CIMAP1D: variants seen among roughly 807,000 people sequenced by gnomAD.
The protein encoded by CIMAP1D is protein CIMAP1D.
chr19:474,527 C>T, the CIMAP1D span: 2 of 1,255,362 alleles, frequency 1.6e-6, no homozygotes, highest in African/African-American at 3.1e-5. Context: ...AAACTCCTGC[C>T]TCCTGCTGGG....
At chr19:467,684 G>C in the CIMAP1D span, 1 of 1,612,460 alleles carries the variant, frequency 6.2e-7, no homozygotes, top group East Asian at 2.2e-5. Context: ...GGAGTAGGCA[G>C]GGGTGCAGCT....
the CIMAP1D span, among the ~76,000 whole-genome samples, chr19:481,180 A>ATG: frequency 7.6e-6 from 1 of 131,704 alleles, no homozygotes; most frequent in African/African-American, 3.2e-5. Context: ...ATGGAGAAGG[A>ATG]ATGTGGGAAG....
At chr19:464,305 G>T in the CIMAP1D span, 1 of 1,541,160 alleles carries the variant, frequency 6.5e-7, no homozygotes, top group Non-Finnish European at 8.7e-7. Context: ...GGTGTCCGAT[G>T]GCGCACAGGG....
chr19:478,203 G>T, the CIMAP1D span, among the ~76,000 whole-genome samples: 1 of 152,186 alleles, frequency 6.6e-6, no homozygotes, highest in Non-Finnish European at 1.5e-5. Context: ...AAAACCAGCC[G>T]AAGTGCAGGA....
At chr19:479,878 C>T in the CIMAP1D span, among the ~76,000 whole-genome samples, 2 of 152,256 alleles carry the variant, frequency 1.3e-5, no homozygotes, top group African/African-American at 2.4e-5. Flanking sequence ...CCCCACGTTG[C>T]CCTTCCTTTA....
the CIMAP1D span, chr19:472,640 G>C: frequency 1.8e-6 from 1 of 543,522 alleles, no homozygotes; most frequent in Middle Eastern, 5.0e-4. Context: ...GCAAGAGGCT[G>C]CTGCCCGTCG....
the CIMAP1D span, among the ~76,000 whole-genome samples, chr19:473,395 A>C: frequency 8.9e-6 from 1 of 112,110 alleles, no homozygotes; most frequent in Admixed American, 9.8e-5. Flanking sequence ...GCAGAGATAC[A>C]CGGTCACAGG....
chr19:466,898 G>A, the CIMAP1D span, among the ~76,000 whole-genome samples: 1 of 127,752 alleles, frequency 7.8e-6, no homozygotes, highest in African/African-American at 3.0e-5. Context: ...ATGGCTGGGT[G>A]GAGGGTGGAT....
chr19:486,527 G>A, the CIMAP1D span, among the ~76,000 whole-genome samples: 3 of 151,928 alleles, frequency 2.0e-5, no homozygotes, highest in South Asian at 2.1e-4. Flanking sequence ...TGCAACCTCC[G>A]CCTGGTGGGT....
chr19:468,429 G>A, the CIMAP1D span, among the ~76,000 whole-genome samples: 3 of 152,068 alleles, frequency 2.0e-5, no homozygotes, highest in South Asian at 2.1e-4. Context: ...CCAGGGCTTC[G>A]GCTTGCTGGC....
the CIMAP1D span, among the ~76,000 whole-genome samples, chr19:473,893 G>A: frequency 1.3e-4 from 18 of 134,386 alleles, no homozygotes; most frequent in East Asian, 4.4e-4. Context: ...GAGATACACG[G>A]TCACAGATGG....
At chr19:481,128 G>C in the CIMAP1D span, among the ~76,000 whole-genome samples, 1,352 of 71,452 alleles carry the variant, frequency 0.019, 4 homozygotes, top group African/African-American at 0.039. Flanking sequence ...AATGTGGGAA[G>C]GATGATGGGG....
At chr19:490,448 G>A in the CIMAP1D span, 1 of 141,862 alleles carries the variant, frequency 7.0e-6, no homozygotes, top group Non-Finnish European at 1.5e-5. Context: ...CGATTCATAA[G>A]CAATACATGT....
the CIMAP1D span, among the ~76,000 whole-genome samples, chr19:479,015 G>C: frequency 5.8e-3 from 881 of 152,332 alleles, 10 homozygotes; most frequent in African/African-American, 0.02. Flanking sequence ...AGGGCACGTC[G>C]CGCTATGGAG....
chr19:463,998 C>A, the CIMAP1D span: 3 of 1,609,382 alleles, frequency 1.9e-6, no homozygotes, highest in South Asian at 1.1e-5. Context: ...GGCGCCAGGG[C>A]CGGGGGTCTC....
the CIMAP1D span, among the ~76,000 whole-genome samples, chr19:487,362 C>T: frequency 2.0e-5 from 3 of 151,694 alleles, no homozygotes; most frequent in African/African-American, 4.8e-5. Context: ...GTATTATGCC[C>T]GAGGTTTATG....
chr19:486,846 G>A, the CIMAP1D span, among the ~76,000 whole-genome samples: 157 of 152,072 alleles, frequency 1.0e-3, no homozygotes, highest in Non-Finnish European at 1.5e-3. Flanking sequence ...CCCGGGAGGC[G>A]GAGCTTGTAG....
At chr19:489,336 G>GAAGCAGCCCGCGGCCCCGACC in the CIMAP1D span, 3 of 133,408 alleles carry the variant, frequency 2.2e-5, no homozygotes, top group East Asian at 6.9e-4. Context: ...CCGACCCGCC[G>GAAGCAGCCCGCGGCCCCGACC]TCGCAGCCCG....
At chr19:472,464 C>A in the CIMAP1D span, 3 of 1,547,050 alleles carry the variant, frequency 1.9e-6, no homozygotes, top group African/African-American at 4.1e-5. Flanking sequence ...TGATGAAGCC[C>A]ACGGTGGACG....
Sources: gnomAD v4.1 joint callset for allele counts (sites outside exome capture counted in the v4.1 genomes callset) on GRCh38, gnomAD v4.1.1 for gene constraint, MANE v1.5 for transcripts, NCBI Gene and HGNC (gene_info 2026-07-23, HGNC 2026-07-21) for gene names.